NPHP4: variants seen among roughly 807,000 people sequenced by gnomAD.
The protein encoded by NPHP4 is nephrocystin-4.
A neutral mutation model predicts 155.8 loss-of-function variants in NPHP4; 151 were observed. The observed-to-expected ratio is 0.97, with a 90% confidence interval of 0.85 to 1.11. NPHP4 has a LOEUF of 1.11. Among genes scored for constraint, NPHP4 ranks in the 50% least tolerant of loss-of-function variants. The pLI is 0.00. For missense variants in NPHP4, 1,956 were observed against 1,925.7 expected (o/e 1.02, Z -0.29); for synonymous variants, 845 against 816.8 (o/e 1.03, Z -0.59).
chr1:5,959,824 A>C (rs1218615038), intron 6 of NPHP4, among the ~76,000 whole-genome samples: 1 of 152,180 alleles, frequency 6.6e-6, no homozygotes, highest in Non-Finnish European at 1.5e-5. Context: ...GCAACATCTC[A>C]CAGCTAGTCC....
intron 2 of NPHP4, among the ~76,000 whole-genome samples, chr1:5,984,461 G>C (rs1282121307): frequency 6.6e-6 from 1 of 152,094 alleles, no homozygotes; most frequent in South Asian, 2.1e-4. Context: ...TTGAGCTCAG[G>C]GGGAGGAGGT....
rs750545519 is a variant in NPHP4 at position 5,874,989 on chromosome 1, T to C, written c.2929A>G (p.Thr977Ala). 3.1e-6 allele frequency: 5 copies of C among 1,612,512 alleles called. No homozygotes were observed. In the African/African-American group the frequency reaches 5.3e-5, roughly 17 times the overall value. The stretch of plus-strand genomic sequence containing the variant: ...AGCGTGGCGTGGAGCGTGTGCTCCG[T>C]GGTGATGGCCAGGCTCAGCAGGCTG... The part of the protein sequence containing the change: ...IASLLSLAIT[T>A]EHTLHATLGV... The change falls in exon 21 of 30, where the codon ACG becomes GCG. Residue 977 changes from threonine (T) to alanine (A), a missense_variant. Transcript: ENST00000378156.
chr1:5,955,766 A>C (rs1649078278), intron 6 of NPHP4, among the ~76,000 whole-genome samples: 1 of 152,194 alleles, frequency 6.6e-6, no homozygotes. Flanking sequence ...GAGGTTGTCA[A>C]GGGGTCATGG....
At chr1:5,967,248 A>C in intron 5 of NPHP4, 51 bp downstream of exon 5, 1 of 1,400,950 alleles carries the variant, frequency 7.1e-7, no homozygotes, top group Non-Finnish European at 1.0e-6. Context: ...GGGAACACTC[A>C]GGGAAGGCAC....
At chr1:5,984,517 A>AT (rs1655176235) in intron 2 of NPHP4, among the ~76,000 whole-genome samples, 1 of 152,212 alleles carries the variant, frequency 6.6e-6, no homozygotes, top group Non-Finnish European at 1.5e-5. Context: ...CCTGGGTGAC[A>AT]GAGTGAGACT....
chr1:5,956,067 G>GC (rs60060759), intron 6 of NPHP4, among the ~76,000 whole-genome samples: 6 of 149,992 alleles, frequency 4.0e-5, no homozygotes, highest in Non-Finnish European at 7.4e-5. Flanking sequence ...GCTGGGGGGG[G>GC]GGGGTGCAGG....
At position 5,892,481 on chromosome 1, in the gene NPHP4, C is replaced by T. The variant is rs571982001; in HGVS notation, c.2144-1453G>A. ...TCTCCCAGCACTACCCTGTGCAGGG[C>T]CTCCCACATGGTGGGGGCGCAGTTA... On this transcript the variant is annotated intron_variant, in intron 16 of 29. Transcript: ENST00000378156. The surrounding 1 kb of genome is among the most constrained non-coding windows in gnomAD (Gnocchi z 4.5). Among the ~76,000 whole-genome samples the T allele has an allele frequency of 6.6e-6, 1 of 152,270 alleles. No homozygotes were observed. Among genetic ancestry groups the T allele is most frequent in the South Asian group, 2.1e-4 (1 of 4,828 alleles).
intron 1 of NPHP4, among the ~76,000 whole-genome samples, chr1:5,991,927 G>GGCAGGGA (rs1373332156): frequency 1.8e-3 from 96 of 53,304 alleles, no homozygotes; most frequent in African/African-American, 0.012. Context: ...GAGGCCAGGG[G>GGCAGGGA]GCAGGGGGCA....
At chr1:5,946,110 A>T (rs1157844299) in intron 9 of NPHP4, among the ~76,000 whole-genome samples, 1 of 152,236 alleles carries the variant, frequency 6.6e-6, no homozygotes, top group African/African-American at 2.4e-5. Flanking sequence ...TATGCAGGAC[A>T]AAACCTAGTA....
intron 16 of NPHP4, among the ~76,000 whole-genome samples, chr1:5,898,429 T>G (rs1351244623): frequency 2.0e-5 from 3 of 152,216 alleles, no homozygotes; most frequent in African/African-American, 7.2e-5. Flanking sequence ...TCGGGAGCCC[T>G]GGGCTCCTTG....
At chr1:5,979,573 G>C (rs61760763) in intron 2 of NPHP4, among the ~76,000 whole-genome samples, 26,144 of 152,064 alleles carry the variant, frequency 0.17, 2,353 homozygotes, top group African/African-American at 0.22. Flanking sequence ...GGTCTCGTCT[G>C]TCACCCAGGC....
intron 3 of NPHP4, among the ~76,000 whole-genome samples, chr1:5,971,611 C>A (rs1300890790): frequency 1.3e-5 from 2 of 152,244 alleles, no homozygotes; most frequent in African/African-American, 2.4e-5. Flanking sequence ...CCTCGGGTCA[C>A]CCCAGCAAAG....
rs748950922 is a variant in NPHP4, at chr1:5,874,907, G to GT, written c.3010dup (p.Thr1004AsnfsTer99). 50 of 1,613,800 alleles carry GT rather than the reference G, an allele frequency of 3.1e-5. No homozygotes were observed. The highest frequency in any genetic ancestry group is 3.9e-5 in the Non-Finnish European group (46 of 1,179,866). On this transcript the variant is annotated frameshift_variant, in exon 21 of 30. Coordinates refer to ENST00000378156, the MANE Select transcript of NPHP4 (RefSeq NM_015102.5). LOFTEE classifies it high-confidence loss of function. ...GGGGTTGTCGATCTCCACAGTCACCGTGTGCTGTGTGTTGTGGGGGTTCTT... is the reference window on the plus strand; with the variant it reads ...GGGGTTGTCGATCTCCACAGTCACCGTTGTGCTGTGTGTTGTGGGGGTTCTT...
intron 9 of NPHP4, among the ~76,000 whole-genome samples, chr1:5,943,773 T>C (rs1646944645): frequency 6.6e-6 from 1 of 152,194 alleles, no homozygotes; most frequent in Admixed American, 6.5e-5. Context: ...TGTTTGATGA[T>C]ACTAAGAAAT....
At chr1:5,898,235 G>C (rs908375082) in intron 16 of NPHP4, among the ~76,000 whole-genome samples, 1 of 152,210 alleles carries the variant, frequency 6.6e-6, no homozygotes, top group Non-Finnish European at 1.5e-5. Context: ...GAAGCAAAAG[G>C]CCAGGACAGG....
chr1:5,886,644 G>A (rs1221124143), intron 18 of NPHP4: 1 of 152,466 alleles, frequency 6.6e-6, no homozygotes, highest in Non-Finnish European at 1.5e-5. Context: ...GGTGCGCACA[G>A]GCAGGCACCC....
chr1:5,886,557 C>T (rs374603594), intron 18 of NPHP4: 27 of 152,364 alleles, frequency 1.8e-4, no homozygotes, highest in African/African-American at 6.0e-4. Context: ...AAATCCCAAA[C>T]GTTCCAGAGG....
chr1:5,916,359 A>G (rs1645471486), intron 11 of NPHP4, among the ~76,000 whole-genome samples: 1 of 152,230 alleles, frequency 6.6e-6, no homozygotes, highest in Non-Finnish European at 1.5e-5. Flanking sequence ...TGAAGTATGA[A>G]AAGTTTCCAT....
intron 11 of NPHP4, among the ~76,000 whole-genome samples, chr1:5,918,786 A>C (rs1645594871): frequency 6.6e-6 from 1 of 152,252 alleles, no homozygotes; most frequent in African/African-American, 2.4e-5. Context: ...CCCAAAAGTT[A>C]ACACAAGATG....
Sources: allele counts gnomAD v4.1 joint callset (sites outside exome capture counted in the v4.1 genomes callset), GRCh38; gene constraint gnomAD v4.1.1; non-coding constraint Gnocchi (gnomAD v3.1); transcripts MANE v1.5; gene names NCBI Gene and HGNC (gene_info 2026-07-23, HGNC 2026-07-21).